Variants in TMPRSS2 observed in about 807,000 individuals in gnomAD.
The protein encoded by TMPRSS2 is transmembrane serine protease 2, also known as transmembrane protease serine 2.
TMPRSS2 carries 59 observed loss-of-function variants against 67.4 expected under a neutral mutation model. That is an observed-to-expected ratio of 0.88 (90% CI 0.71 to 1.09). TMPRSS2 has a LOEUF of 1.09. Ranked by LOEUF, TMPRSS2 falls within the 50% of genes least tolerant of loss-of-function variation. The probability of loss-of-function intolerance (pLI) is 0.00; values close to 1 mark genes in which losing one functional copy is unlikely to be tolerated. For synonymous variants in TMPRSS2, 257 were observed against 257.0 expected (o/e 1.00, Z 0.00); for missense variants, 668 against 642.7 (o/e 1.04, Z -0.43).
chr21:41,493,956 T>C (rs927375959), intron 3 of TMPRSS2, among the ~76,000 whole-genome samples: 1 of 152,230 alleles, frequency 6.6e-6, no homozygotes, highest in African/African-American at 2.4e-5. Context: ...TGACCTGTCA[T>C]ATCCAGGGGA....
rs1213567919 is a variant in TMPRSS2, at chr21:41,468,579, C to T, written c.1172-41G>A. ...CTTGTTGAGCTCCCAGTGTTGCCTG[C>T]AGCTCTCGCAGGGAGAGCACACTTC... On this transcript the variant is annotated intron_variant, in intron 11 of 13. Coordinates refer to ENST00000332149, the MANE Select transcript of TMPRSS2 (RefSeq NM_005656.4). 3.1e-6 allele frequency: 5 copies of T among 1,608,698 alleles called. No individual in the cohort carries two copies. In the South Asian group the frequency reaches 4.4e-5, roughly 14 times the overall value.
Position 41,465,641 on chromosome 21 carries a change from G to A in TMPRSS2, c.*501C>T, listed in dbSNP as rs543596554. On this transcript the variant is annotated 3_prime_UTR_variant, in exon 14 of 14. Transcript: ENST00000332149. ...CCTTTATTTCTGGCCACCATCCAGG[G>A]CTGCTAAGGCTCTAAGAACCCATCA... 1.6e-4 allele frequency: 38 copies of A among 238,860 alleles called. No homozygotes were observed. Among genetic ancestry groups the A allele is most frequent in the Non-Finnish European group, 2.6e-4 (32 of 122,218 alleles). The allele number at this position is 238,860 out of a possible 1,614,324, so 14.8% of individuals were successfully genotyped here. A position where few individuals can be genotyped will look rare whatever the true frequency, so the allele number is the denominator to read the frequency against.
At chr21:41,494,076 G>A (rs553787982) in intron 3 of TMPRSS2, among the ~76,000 whole-genome samples, 2 of 152,344 alleles carry the variant, frequency 1.3e-5, no homozygotes, top group African/African-American at 2.4e-5. Flanking sequence ...AGGTGATCTC[G>A]AAGCCTACGC....
chr21:41,502,132 C>G (rs2061687752), intron 1 of TMPRSS2, among the ~76,000 whole-genome samples: 1 of 152,240 alleles, frequency 6.6e-6, no homozygotes, highest in South Asian at 2.1e-4. Context: ...CATGAGTCAC[C>G]TGCCTGGCCA....
intron 5 of TMPRSS2, among the ~76,000 whole-genome samples, chr21:41,484,965 G>A (rs1419392174): frequency 6.6e-5 from 10 of 152,120 alleles, no homozygotes; most frequent in Non-Finnish European, 1.5e-4. Flanking sequence ...TCATGGTAAC[G>A]CAGAAATACC....
intron 2 of TMPRSS2, among the ~76,000 whole-genome samples, chr21:41,495,005 A>G (rs1460495105): frequency 6.6e-6 from 1 of 151,076 alleles, no homozygotes. Context: ...GGAGGCAGAG[A>G]TTGCAGTGAG....
intron 1 of TMPRSS2, among the ~76,000 whole-genome samples, chr21:41,503,443 C>T (rs189873200): frequency 9.2e-5 from 14 of 152,290 alleles, no homozygotes; most frequent in East Asian, 7.7e-4. Flanking sequence ...AAAGCAAGGC[C>T]GTAGCTCAGT....
intron 5 of TMPRSS2, among the ~76,000 whole-genome samples, chr21:41,485,918 C>T (rs1392832589): frequency 6.6e-6 from 1 of 152,224 alleles, no homozygotes; most frequent in East Asian, 1.9e-4. Flanking sequence ...CAGTGCTCCT[C>T]ACCAGGAAAT....
At chr21:41,488,630 A>G in intron 4 of TMPRSS2, 117 bp from the exon 5 acceptor site, 7 of 1,198,714 alleles carry the variant, frequency 5.8e-6, no homozygotes, top group African/African-American at 1.5e-5. Context: ...TCCTGGCCCC[A>G]CTGTGTTTTG....
At chr21:41,487,985 G>A in intron 5 of TMPRSS2, 1 of 159,406 alleles carries the variant, frequency 6.3e-6, no homozygotes, top group East Asian at 1.7e-4. Flanking sequence ...TGGAGATAAG[G>A]TTTCACCATA....
intron 1 of TMPRSS2, among the ~76,000 whole-genome samples, chr21:41,503,256 T>C (rs1202961923): frequency 6.6e-6 from 1 of 152,138 alleles, no homozygotes; most frequent in Admixed American, 6.5e-5. Context: ...TCCAGGTGCC[T>C]CAAGCTGAGT....
At chr21:41,493,170 T>C (rs931887312) in intron 3 of TMPRSS2, among the ~76,000 whole-genome samples, 1 of 152,092 alleles carries the variant, frequency 6.6e-6, no homozygotes, top group East Asian at 1.9e-4. Flanking sequence ...ACCACTGGCC[T>C]TGACCTACCC....
chr21:41,494,505 G>A lies in TMPRSS2; in HGVS notation c.89C>T (p.Pro30Leu), dbSNP rs1245940121. 2 of 1,614,086 alleles carry A rather than the reference G, an allele frequency of 1.2e-6. No homozygotes were observed. Among genetic ancestry groups the A allele is most frequent in the Non-Finnish European group, 1.7e-6 (2 of 1,180,004 alleles). ...YQPENPYPAQ[P>L]TVVPTVYEVH... ...CTCGTAGACAGTGGGGACCACAGTG[G>A]GCTGTGCGGGATAGGGGTTTTCCGG... is the stretch of plus-strand genomic sequence containing the variant. Residue 30 changes from proline to leucine, a missense_variant, in exon 3 of 14, where the codon CCC becomes CTC. By Grantham distance (98) the Pro-to-Leu change is moderately conservative. Transcript: ENST00000332149.
At chr21:41,493,975 CA>C (rs1223585291) in intron 3 of TMPRSS2, among the ~76,000 whole-genome samples, 2 of 152,210 alleles carry the variant, frequency 1.3e-5, no homozygotes, top group Non-Finnish European at 2.9e-5. Context: ...GACTGTATGA[CA>C]AAGGTAAGAT....
chr21:41,501,608 C>CAAAAAA (rs57394908), intron 1 of TMPRSS2, among the ~76,000 whole-genome samples: 4 of 86,526 alleles, frequency 4.6e-5, no homozygotes, highest in South Asian at 4.0e-4. Flanking sequence ...GACTCTGTCT[C>CAAAAAA]AAAAAAAAAA....
rs2091126027 is a variant in TMPRSS2 at position 41,470,737 on chromosome 21, A to C, written c.1082T>G (p.Val361Gly). The part of the protein sequence containing the change: ...LQKPLTFNDL[V>G]KPVCLPNPGM... ...TGGGTTGGGCAGACACACTGGTTTC[A>C]CTAGGTCTGTTTCAAGAAGAGAAAA... The change falls in exon 11 of 14, where the codon GTG becomes GGG. Residue 361 changes from valine to glycine, a missense_variant. Transcript: ENST00000332149. 6.2e-7 allele frequency: 1 copy of C among 1,613,094 alleles called. No individual in the cohort carries two copies. The highest frequency in any genetic ancestry group is 8.5e-7 in the Non-Finnish European group (1 of 1,179,918).
Position 41,507,761 on chromosome 21 carries a change from G to A in TMPRSS2, c.-57+320C>T, listed in dbSNP as rs573736906. Reference sequence around the variant, plus strand: ...TAGGAGCCAGCTTTGGGGACCCCGGGGGACTCTCTTCCACCAACTGGCTAG... The same window carrying A: ...TAGGAGCCAGCTTTGGGGACCCCGGAGGACTCTCTTCCACCAACTGGCTAG... On this transcript the variant is annotated intron_variant, in intron 1 of 13. Coordinates refer to ENST00000332149, the MANE Select transcript of TMPRSS2 (RefSeq NM_005656.4). 7.0e-4 allele frequency among the ~76,000 whole-genome samples: 107 copies of A among 152,302 alleles called. 2 individuals are homozygous for A. The South Asian group carries it at 0.019, about 28-fold the overall frequency.
intron 5 of TMPRSS2, among the ~76,000 whole-genome samples, chr21:41,481,295 G>A (rs556249043): frequency 6.6e-6 from 1 of 152,310 alleles, no homozygotes; most frequent in South Asian, 2.1e-4. Flanking sequence ...CTGGATGAGT[G>A]CTGAAGACCT....
chr21:41,481,195 G>GCT (rs2146453757), intron 5 of TMPRSS2, among the ~76,000 whole-genome samples: 1 of 152,310 alleles, frequency 6.6e-6, no homozygotes, highest in Admixed American at 6.5e-5. Context: ...CCCACCAACG[G>GCT]CTGGGTGAGC....
Sources: allele counts gnomAD v4.1 joint callset (sites outside exome capture counted in the v4.1 genomes callset), GRCh38; gene constraint gnomAD v4.1.1; transcripts MANE v1.5; gene names NCBI Gene and HGNC (gene_info 2026-07-23, HGNC 2026-07-21).